FARP2: variants seen among roughly 807,000 people sequenced by gnomAD.
The protein encoded by FARP2 is FERM, ARH/RhoGEF and pleckstrin domain protein 2.
FARP2 carries 111 observed loss-of-function variants against 130.5 expected under a neutral mutation model. The observed-to-expected ratio is 0.85, with a 90% CI of 0.73 to 1.00. The LOEUF (loss-of-function observed/expected upper bound fraction) is 1.00, where lower values mean the gene tolerates loss of function less well. Ranked by LOEUF, FARP2 falls within the 50% of genes least tolerant of loss-of-function variation. FARP2 has a pLI of 0.00. For missense variants in FARP2, 1,385 were observed against 1,346.3 expected (o/e 1.03, Z -0.45); for synonymous variants, 504 against 516.9 (o/e 0.98, Z 0.34).
At position 241,400,092 on chromosome 2, in the gene FARP2, A is replaced by G. The variant is rs1006327696; in HGVS notation, c.184-3736A>G. Among the ~76,000 whole-genome samples, 13 of 152,194 alleles carry G rather than the reference A, an allele frequency of 8.5e-5. 1 individual carries two copies. Among genetic ancestry groups the G allele is most frequent in the Admixed American group, 8.5e-4 (13 of 15,284 alleles). ...GCTTGCACCTGCGTGGTTAGTGTCT[A>G]TCGCCTTCATTAGTGTAGTCAGGCA... is the stretch of plus-strand genomic sequence containing the variant. On this transcript the variant is annotated intron_variant, in intron 2 of 26. Transcript: ENST00000264042.
At chr2:241,440,240 G>A (rs1391284064) in intron 12 of FARP2, among the ~76,000 whole-genome samples, 3 of 152,204 alleles carry the variant, frequency 2.0e-5, no homozygotes, top group Non-Finnish European at 4.4e-5. Flanking sequence ...GTTGTGTTTG[G>A]TTATATTTTG....
intron 9 of FARP2, chr2:241,432,326 G>A (rs933472866): frequency 6.6e-6 from 1 of 152,492 alleles, no homozygotes; most frequent in Admixed American, 6.5e-5. Flanking sequence ...TCACTCACGT[G>A]TTGCTGGCTC....
intron 1 of FARP2, among the ~76,000 whole-genome samples, chr2:241,361,854 A>C (rs1311230203): frequency 2.0e-5 from 3 of 151,110 alleles, no homozygotes; most frequent in Admixed American, 2.0e-4. Context: ...GGCTTTTATA[A>C]ATTTCTTGTC....
intron 2 of FARP2, among the ~76,000 whole-genome samples, chr2:241,380,987 G>A (rs1004220491): frequency 6.6e-6 from 1 of 152,098 alleles, no homozygotes; most frequent in Non-Finnish European, 1.5e-5. Context: ...TTAGGACCAG[G>A]TTTTAAATCT....
At chr2:241,468,884 G>A (rs1348280023) in intron 18 of FARP2, among the ~76,000 whole-genome samples, 2 of 152,188 alleles carry the variant, frequency 1.3e-5, no homozygotes, top group African/African-American at 4.8e-5. Flanking sequence ...TTATTAAAGG[G>A]ATAAAAGAGT....
chr2:241,426,684 A>T (rs1027491586), intron 8 of FARP2, among the ~76,000 whole-genome samples: 2 of 152,214 alleles, frequency 1.3e-5, no homozygotes, highest in Non-Finnish European at 2.9e-5. Flanking sequence ...GTTTGTTTCC[A>T]GTCGTGTAGT....
chr2:241,422,000 T>G (rs952222966), intron 8 of FARP2, among the ~76,000 whole-genome samples: 2 of 150,896 alleles, frequency 1.3e-5, no homozygotes, highest in Admixed American at 1.3e-4. Context: ...GAAAATTAGC[T>G]GGGTGTAGTG....
intron 26 of FARP2, chr2:241,493,723 T>C: frequency 1.9e-6 from 1 of 517,844 alleles, no homozygotes; most frequent in East Asian, 3.2e-5. Flanking sequence ...GCCTCCTGAG[T>C]AACTGAGATT....
At chr2:241,403,755 A>T in intron 2 of FARP2, 73 bp from the exon 3 acceptor site, 1 of 847,598 alleles carries the variant, frequency 1.2e-6, no homozygotes, top group Non-Finnish European at 1.9e-6. Context: ...AAGTAGTTTT[A>T]TGCACAGTTT....
chr2:241,397,861 G>A (rs1362929805), intron 2 of FARP2, among the ~76,000 whole-genome samples: 2 of 128,544 alleles, frequency 1.6e-5, no homozygotes, highest in African/African-American at 3.0e-5. Context: ...AGACAGTCTC[G>A]CTCTGTCGCC....
intron 19 of FARP2, among the ~76,000 whole-genome samples, chr2:241,481,446 G>A (rs368486627): frequency 6.6e-6 from 1 of 152,202 alleles, no homozygotes; most frequent in South Asian, 2.1e-4. Flanking sequence ...ATCATGTTCT[G>A]TGTTAGCCTT....
intron 2 of FARP2, among the ~76,000 whole-genome samples, chr2:241,397,855 A>G (rs1172845170): frequency 7.2e-6 from 1 of 138,002 alleles, no homozygotes; most frequent in African/African-American, 2.7e-5. Flanking sequence ...TTTTTGAGAC[A>G]GTCTCGCTCT....
At chr2:241,367,704 A>T (rs900161072) in intron 1 of FARP2, among the ~76,000 whole-genome samples, 6 of 152,046 alleles carry the variant, frequency 3.9e-5, no homozygotes, top group Non-Finnish European at 7.4e-5. Context: ...GATTTTTTTT[A>T]AATTGCAAAA....
intron 13 of FARP2, chr2:241,446,727 A>G (rs747883863): frequency 1.3e-5 from 2 of 152,106 alleles, no homozygotes; most frequent in Admixed American, 6.6e-5. Flanking sequence ...AGTTGAAAAT[A>G]TTTGTATAGA....
chr2:241,466,041 G>A (rs1438580838), intron 17 of FARP2: 1 of 1,262,062 alleles, frequency 7.9e-7, no homozygotes, highest in Non-Finnish European at 1.0e-6. Flanking sequence ...TTATCATACT[G>A]TAGTCATCTT....
chr2:241,472,971 T>TC (rs2064358889), intron 18 of FARP2, among the ~76,000 whole-genome samples: 14 of 148,606 alleles, frequency 9.4e-5, no homozygotes, highest in Non-Finnish European at 1.6e-4. Flanking sequence ...TCTGAAGGGA[T>TC]CCTTTTCTGT....
At chr2:241,402,836 T>TTTTATATATA (rs1463491106) in intron 2 of FARP2, among the ~76,000 whole-genome samples, 15 of 16,834 alleles carry the variant, frequency 8.9e-4, no homozygotes, top group Non-Finnish European at 1.3e-3. Flanking sequence ...CCCAGCTAAT[T>TTTTATATATA]TATATATATA....
At chr2:241,483,178 C>T (rs1333745013) in intron 19 of FARP2, among the ~76,000 whole-genome samples, 3 of 152,188 alleles carry the variant, frequency 2.0e-5, no homozygotes, top group Non-Finnish European at 4.4e-5. Context: ...AACAATACTC[C>T]GGGCTCTACC....
intron 5 of FARP2, among the ~76,000 whole-genome samples, chr2:241,410,586 C>T (rs994345093): frequency 1.1e-4 from 16 of 151,960 alleles, no homozygotes; most frequent in Admixed American, 2.0e-4. Flanking sequence ...GTGCACACCA[C>T]GCCCAGGTGG....
Sources: gnomAD v4.1 joint callset for allele counts (sites outside exome capture counted in the v4.1 genomes callset) on GRCh38, gnomAD v4.1.1 for gene constraint, MANE v1.5 for transcripts, NCBI Gene and HGNC (gene_info 2026-07-23, HGNC 2026-07-21) for gene names.